Variants in ATG5 observed in about 807,000 individuals in gnomAD.
ATG5 encodes the protein autophagy related 5.
In ATG5, 14 loss-of-function variants were observed where a neutral mutation model predicts 36.5. That is an observed-to-expected ratio of 0.38 (90% CI 0.25 to 0.60). The LOEUF (loss-of-function observed/expected upper bound fraction) is 0.60. ATG5 is among the 20% of genes least tolerant of loss of function. The pLI, the probability that ATG5 is intolerant of heterozygous loss-of-function variation, is 0.60. For synonymous variants in ATG5, 95 were observed against 101.5 expected (o/e 0.94, Z 0.38); for missense variants, 195 against 326.7 (o/e 0.60, Z 3.11).
intron 4 of ATG5, among the ~76,000 whole-genome samples, chr6:106,291,486 T>C (rs868858814): frequency 6.6e-6 from 1 of 152,194 alleles, no homozygotes; most frequent in East Asian, 1.9e-4. Context: ...GGAAACAGAT[T>C]TGACCTGATG....
At chr6:106,325,124 G>A (rs1208728103) in intron 1 of ATG5, among the ~76,000 whole-genome samples, 1 of 152,236 alleles carries the variant, frequency 6.6e-6, no homozygotes, top group East Asian at 1.9e-4. Flanking sequence ...AGGGAATATC[G>A]TAAATAGATA....
intron 5 of ATG5, among the ~76,000 whole-genome samples, chr6:106,277,996 G>A (rs185342759): frequency 9.5e-4 from 145 of 152,112 alleles, no homozygotes; most frequent in African/African-American, 3.3e-3. Flanking sequence ...TCAGAGTGGA[G>A]TGTGGTGGCA....
intron 1 of ATG5, among the ~76,000 whole-genome samples, chr6:106,321,918 GA>G (rs1269966489): frequency 3.3e-5 from 5 of 152,028 alleles, no homozygotes; most frequent in African/African-American, 1.2e-4. Context: ...AAATAATGGG[GA>G]AAAATATATA....
At chr6:106,209,504 T>C (rs1257748576) in intron 6 of ATG5, among the ~76,000 whole-genome samples, 1 of 152,066 alleles carries the variant, frequency 6.6e-6, no homozygotes, top group Admixed American at 6.5e-5. Context: ...GGAAAACAAA[T>C]TAGTAGTTGT....
chr6:106,200,099 A>T (rs1254820382), intron 7 of ATG5, among the ~76,000 whole-genome samples: 1 of 152,092 alleles, frequency 6.6e-6, no homozygotes, highest in Non-Finnish European at 1.5e-5. Flanking sequence ...CATTACATAC[A>T]TGTAGGAATG....
Position 106,279,833 on chromosome 6 carries a change from GA to G in ATG5, c.316-11del, listed in dbSNP as rs752601661. The G allele has an allele frequency of 2.7e-6, 4 of 1,463,968 alleles. No individual in the cohort carries two copies. The East Asian group carries it at 7.2e-5, about 26-fold the overall frequency. The allele number at this position is 1,463,968 out of a possible 1,614,324, so 90.7% of individuals were successfully genotyped here. On this transcript the variant is annotated splice_polypyrimidine_tract_variant and intron_variant, in intron 4 of 7. Transcript: ENST00000369076. ...CTTTTTCTGGAAAACTCTATCAAAG[GA>G]AAAAATATACATATAAAACAGGATA...
At chr6:106,200,573 CACGTCA>C (rs1477775431) in intron 7 of ATG5, among the ~76,000 whole-genome samples, 1 of 150,938 alleles carries the variant, frequency 6.6e-6, no homozygotes, top group Non-Finnish European at 1.5e-5. Context: ...CTTGTGGGTT[CACGTCA>C]TTCTCCTACC....
intron 2 of ATG5, among the ~76,000 whole-genome samples, chr6:106,312,842 C>A (rs148254047): frequency 1.3e-5 from 2 of 152,136 alleles, no homozygotes; most frequent in African/African-American, 4.8e-5. Flanking sequence ...TTGGCAAGAA[C>A]AGTTTTCTTG....
intron 5 of ATG5, among the ~76,000 whole-genome samples, chr6:106,251,647 G>GA (rs1273061814): frequency 5.9e-5 from 4 of 67,590 alleles, no homozygotes; most frequent in Non-Finnish European, 1.3e-4. Flanking sequence ...GAGAGAGAGA[G>GA]GGAGGGAGGG....
chr6:106,239,250 A>G (rs1326685089), intron 6 of ATG5, among the ~76,000 whole-genome samples: 1 of 152,176 alleles, frequency 6.6e-6, no homozygotes, highest in Non-Finnish European at 1.5e-5. Context: ...CAAAATAAAG[A>G]AAAACAAAAT....
chr6:106,303,058 C>T (rs1770282457), intron 3 of ATG5, among the ~76,000 whole-genome samples: 1 of 151,034 alleles, frequency 6.6e-6, no homozygotes, highest in Non-Finnish European at 1.5e-5. Context: ...TTTCAAGAAA[C>T]TAGAAAAAAA....
intron 5 of ATG5, among the ~76,000 whole-genome samples, chr6:106,268,649 G>A (rs1364500363): frequency 2.0e-5 from 3 of 152,144 alleles, no homozygotes; most frequent in African/African-American, 7.2e-5. Flanking sequence ...ATGTTAGACT[G>A]GATAGAGAAA....
chr6:106,319,768 C>A (rs955361937), intron 1 of ATG5, among the ~76,000 whole-genome samples: 1 of 152,196 alleles, frequency 6.6e-6, no homozygotes, highest in Non-Finnish European at 1.5e-5. Context: ...GGAGAAGGAT[C>A]ATATCTCATT....
intron 5 of ATG5, among the ~76,000 whole-genome samples, chr6:106,260,071 C>T: frequency 6.6e-6 from 1 of 152,064 alleles, no homozygotes; most frequent in Non-Finnish European, 1.5e-5. Flanking sequence ...GACACTTGGA[C>T]ACAGGGCAGG....
intron 3 of ATG5, among the ~76,000 whole-genome samples, chr6:106,307,084 T>G (rs1770474396): frequency 6.6e-6 from 1 of 152,226 alleles, no homozygotes; most frequent in Non-Finnish European, 1.5e-5. Context: ...ATGAAAAATC[T>G]ACTCATTCTT....
intron 3 of ATG5, among the ~76,000 whole-genome samples, chr6:106,296,910 C>T (rs376622531): frequency 6.6e-6 from 1 of 152,190 alleles, no homozygotes; most frequent in African/African-American, 2.4e-5. Flanking sequence ...CATTTTCTAC[C>T]AACAATGGCA....
chr6:106,298,823 C>T (rs1006636948), intron 3 of ATG5, among the ~76,000 whole-genome samples: 1 of 152,126 alleles, frequency 6.6e-6, no homozygotes, highest in Non-Finnish European at 1.5e-5. Flanking sequence ...TCTAATGAAT[C>T]TACTGATATT....
chr6:106,199,202 T>A (rs1776323516), intron 7 of ATG5, among the ~76,000 whole-genome samples: 1 of 152,176 alleles, frequency 6.6e-6, no homozygotes. Flanking sequence ...TATGACCTTG[T>A]CATTCCACCC....
At chr6:106,293,476 A>G (rs1376571669) in intron 3 of ATG5, among the ~76,000 whole-genome samples, 2 of 152,222 alleles carry the variant, frequency 1.3e-5, no homozygotes, top group Non-Finnish European at 2.9e-5. Context: ...TTACTTTTAG[A>G]ACTTAAAATT....
Sources: allele counts gnomAD v4.1 joint callset (sites outside exome capture counted in the v4.1 genomes callset), GRCh38; gene constraint gnomAD v4.1.1; transcripts MANE v1.5; gene names NCBI Gene and HGNC (gene_info 2026-07-23, HGNC 2026-07-21).